RAD18: variants seen among roughly 807,000 people sequenced by gnomAD.
RAD18 encodes the protein E3 ubiquitin-protein ligase RAD18.
In RAD18, 47 loss-of-function variants were observed where a neutral mutation model predicts 60.4. The ratio of observed to expected loss-of-function variants is 0.78; its 90% CI spans 0.62 to 0.99. RAD18 has a LOEUF of 0.99. RAD18 is among the 50% of genes least tolerant of loss of function. The pLI is 0.00. For missense variants in RAD18, 640 were observed against 593.3 expected, an observed-to-expected ratio of 1.08 and a Z score of -0.82; for synonymous variants, 225 against 195.5, an observed-to-expected ratio of 1.15 and a Z score of -1.26.
intron 4 of RAD18, among the ~76,000 whole-genome samples, chr3:8,943,101 A>G (rs151036698): frequency 1.2e-3 from 177 of 152,374 alleles, no homozygotes; most frequent in Non-Finnish European, 1.7e-3. Flanking sequence ...AGAGCTGATA[A>G]TTTAACTGCC....
In RAD18 at chr3:8,927,402, A is replaced by T. The variant is rs563012504; in HGVS notation, c.889+8469T>A. On this transcript the variant is annotated intron_variant, in intron 7 of 12. Transcript: ENST00000264926. ...TTAGAATGGCAGTCATTAAAAAGTC[A>T]GGAAACAACAGGTGCTGGAGAGGAT... is the stretch of plus-strand genomic sequence containing the variant. Among the ~76,000 whole-genome samples, 595 of 152,346 alleles carry T rather than the reference A, an allele frequency of 3.9e-3. 5 individuals are homozygous for T. Among genetic ancestry groups the T allele is most frequent in the African/African-American group, 0.014 (574 of 41,584 alleles).
chr3:8,915,065 C>T (rs1046050388), intron 7 of RAD18, among the ~76,000 whole-genome samples: 1 of 145,074 alleles, frequency 6.9e-6, no homozygotes, highest in Non-Finnish European at 1.5e-5. Context: ...AGGAGAATGG[C>T]GTGAACCCGG....
chr3:8,918,226 G>A (rs1206591875), intron 7 of RAD18, among the ~76,000 whole-genome samples: 2 of 150,840 alleles, frequency 1.3e-5, no homozygotes, highest in East Asian at 2.0e-4. Context: ...GCTGAGGCAG[G>A]AGAATCGCTT....
intron 9 of RAD18, among the ~76,000 whole-genome samples, chr3:8,906,362 A>T (rs777323079): frequency 3.3e-5 from 5 of 152,086 alleles, no homozygotes; most frequent in Non-Finnish European, 7.4e-5. Flanking sequence ...ACCCCCCTCC[A>T]GCTATGACCC....
At chr3:8,943,867 A>G (rs1235340951) in intron 4 of RAD18, among the ~76,000 whole-genome samples, 4 of 152,196 alleles carry the variant, frequency 2.6e-5, no homozygotes, top group Non-Finnish European at 5.9e-5. Flanking sequence ...AATTATTGAA[A>G]ATAGAAAAAG....
chr3:8,927,241 T>C (rs146208442), intron 7 of RAD18, among the ~76,000 whole-genome samples: 133 of 152,040 alleles, frequency 8.7e-4, no homozygotes, highest in African/African-American at 3.1e-3. Context: ...CATCAAAAAG[T>C]GGGTGAAGGA....
intron 4 of RAD18, among the ~76,000 whole-genome samples, chr3:8,943,782 T>C (rs141834185): frequency 9.3e-4 from 141 of 152,154 alleles, no homozygotes; most frequent in African/African-American, 3.3e-3. Context: ...GCATGTCAAA[T>C]CACAATGAAA....
chr3:8,881,082 G>A lies in RAD18; in HGVS notation c.*275C>T. ...CCAAACCAAATCCCTGTGCCAAAGT[G>A]CCAAAGAGTCTACCTCCTCTGCAAA... On this transcript the variant is annotated 3_prime_UTR_variant, in exon 13 of 13. Transcript: ENST00000264926. The A allele has an allele frequency of 3.2e-6, 1 of 314,952 alleles. No individual in the cohort carries two copies. The allele number at this position is 314,952 out of a possible 1,614,324, so 19.5% of individuals were successfully genotyped here.
chr3:8,917,811 C>T (rs1166144451), intron 7 of RAD18, among the ~76,000 whole-genome samples: 2 of 151,736 alleles, frequency 1.3e-5, no homozygotes, highest in African/African-American at 4.8e-5. Context: ...TTTTAAAACA[C>T]CAATTAAGAG....
At chr3:8,935,074 G>GGCA (rs1217961628) in intron 7 of RAD18, among the ~76,000 whole-genome samples, 1 of 152,160 alleles carries the variant, frequency 6.6e-6, no homozygotes, top group African/African-American at 2.4e-5. Flanking sequence ...AATGGGAGGG[G>GGCA]GCAGATAGGG....
chr3:8,898,559 A>G (rs1939840875), intron 11 of RAD18, among the ~76,000 whole-genome samples: 1 of 151,846 alleles, frequency 6.6e-6, no homozygotes, highest in African/African-American at 2.4e-5. Flanking sequence ...CTTTCTGATC[A>G]TTTCTGTTTT....
At chr3:8,916,610 C>T (rs952754040) in intron 7 of RAD18, among the ~76,000 whole-genome samples, 2 of 152,012 alleles carry the variant, frequency 1.3e-5, no homozygotes, top group African/African-American at 4.8e-5. Flanking sequence ...CATACATGAA[C>T]AGATGGGGCA....
Position 8,941,592 on chromosome 3 carries a change from T to G in RAD18, c.479A>C (p.Gln160Pro), listed in dbSNP as rs556298811. Residue 160 changes from glutamine to proline, a missense_variant, in exon 5 of 13, where the codon CAA becomes CCA. Physicochemically the swap from Gln to Pro is moderately conservative, Grantham distance 76. Transcript: ENST00000264926. ...IKENKSKFSPQKEASPAAKTK... is the reference protein window; with the variant it reads ...IKENKSKFSPPKEASPAAKTK... ...CTTTGCAGCAGGGCTCGCCTCTTTTTGAGGGCTGAATTTGCTTTTATTTTC... is the reference window on the plus strand; with the variant it reads ...CTTTGCAGCAGGGCTCGCCTCTTTTGGAGGGCTGAATTTGCTTTTATTTTC... 11 of 1,614,184 alleles carry G rather than the reference T, an allele frequency of 6.8e-6. No homozygotes were observed. In the African/African-American group the frequency reaches 1.5e-4, roughly 22 times the overall value.
At chr3:8,885,512 AGTGGT>A (rs1400599528) in intron 12 of RAD18, among the ~76,000 whole-genome samples, 1 of 152,216 alleles carries the variant, frequency 6.6e-6, no homozygotes, top group Non-Finnish European at 1.5e-5. Context: ...AAGATTTTTA[AGTGGT>A]GTTAGCTTAA....
intron 7 of RAD18, among the ~76,000 whole-genome samples, chr3:8,924,635 A>G (rs1303252116): frequency 7.4e-6 from 1 of 134,686 alleles, no homozygotes; most frequent in Non-Finnish European, 1.6e-5. Context: ...CATCACACTT[A>G]TTCCAAAATT....
At chr3:8,951,538 A>T (rs1342642999) in intron 2 of RAD18, among the ~76,000 whole-genome samples, 1 of 152,218 alleles carries the variant, frequency 6.6e-6, no homozygotes, top group East Asian at 1.9e-4. Flanking sequence ...ACTCCAATCT[A>T]CGTAAAGAAA....
chr3:8,918,974 G>C (rs1251834031), intron 7 of RAD18, among the ~76,000 whole-genome samples: 1 of 152,186 alleles, frequency 6.6e-6, no homozygotes, highest in Non-Finnish European at 1.5e-5. Flanking sequence ...ACTAATAACT[G>C]AGAAGAGAAT....
intron 4 of RAD18, 112 bp downstream of exon 4, chr3:8,947,108 G>A: frequency 2.5e-6 from 2 of 788,200 alleles, no homozygotes. Flanking sequence ...TCCCTTCTTT[G>A]ACTATAAAAT....
chr3:8,909,205 A>C (rs908762132), intron 9 of RAD18, among the ~76,000 whole-genome samples: 11 of 152,170 alleles, frequency 7.2e-5, no homozygotes, highest in African/African-American at 2.7e-4. Flanking sequence ...TAAGGGGAGG[A>C]GAAGAGGCAA....
Sources: allele counts gnomAD v4.1 joint callset (sites outside exome capture counted in the v4.1 genomes callset), GRCh38; gene constraint gnomAD v4.1.1; transcripts MANE v1.5; gene names NCBI Gene and HGNC (gene_info 2026-07-23, HGNC 2026-07-21).